Variants in MEIOSIN observed in about 807,000 individuals in gnomAD.
MEIOSIN encodes meiosis initiator protein.
MEIOSIN carries 18 observed loss-of-function variants against 23.4 expected under a neutral mutation model. That is an observed-to-expected ratio of 0.77 (90% CI 0.53 to 1.14). MEIOSIN has a LOEUF of 1.14. Ranked by LOEUF, MEIOSIN falls within the 50% of genes most tolerant of loss-of-function variation. The pLI is 0.00. For synonymous variants in MEIOSIN, 187 were observed against 100.6 expected (o/e 1.86, Z -5.14); for missense variants, 428 against 242.9 (o/e 1.76, Z -5.07).
intron 2 of MEIOSIN, among the ~76,000 whole-genome samples, chr19:45,735,739 C>T (rs1968398707): frequency 1.3e-5 from 2 of 152,014 alleles, no homozygotes; most frequent in Middle Eastern, 3.4e-3. Context: ...TGCAGTGTTG[C>T]GATCCCAGCT....
intron 10 of MEIOSIN, 99 bp downstream of exon 10, chr19:45,759,132 C>T (rs1968893217): frequency 1.5e-6 from 1 of 669,096 alleles, no homozygotes; most frequent in Non-Finnish European, 2.7e-6. Flanking sequence ...TGAATCCTGC[C>T]CTGGCCCTGC....
rs1460323564 is a variant in MEIOSIN at position 45,764,365 on chromosome 19, G to A, written c.*247G>A. The A allele has an allele frequency of 1.1e-5, 4 of 377,986 alleles. No individual in the cohort carries two copies. Among genetic ancestry groups the A allele is most frequent in the Admixed American group, 4.6e-5 (1 of 21,974 alleles). 23.4% of individuals were successfully genotyped at this position (377,986 alleles called of 1,614,324 possible). On this transcript the variant is annotated 3_prime_UTR_variant, in exon 15 of 15. Transcript: ENST00000457052. ...AGGAAGGAAACCCAAAATGAAATGC[G>A]GGGTGTCGGAAGGTGAAGTTTACCC...
At position 45,758,865 on chromosome 19, in the gene MEIOSIN, G is replaced by A. The variant is rs551586364; in HGVS notation, c.1013-13G>A. On this transcript the variant is annotated splice_polypyrimidine_tract_variant and intron_variant, in intron 9 of 14. Coordinates refer to ENST00000457052, the MANE Select transcript of MEIOSIN (RefSeq NM_001310124.2). The stretch of plus-strand genomic sequence containing the variant: ...CTCTGGCCACACCCCTGAGTCTGCT[G>A]TTCCCTTTCCAGGGAGCCCACTGTT... 6 of 702,878 alleles carry A rather than the reference G, an allele frequency of 8.5e-6. No individual in the cohort carries two copies. In the East Asian group the frequency reaches 1.3e-4, roughly 16 times the overall value. The allele number at this position is 702,878 out of a possible 1,614,324, so 43.5% of individuals were successfully genotyped here. A position where few individuals can be genotyped will look rare whatever the true frequency, so the allele number is the denominator to read the frequency against.
At chr19:45,760,497 T>C (rs527495024) in intron 11 of MEIOSIN, among the ~76,000 whole-genome samples, 1 of 152,052 alleles carries the variant, frequency 6.6e-6, no homozygotes, top group African/African-American at 2.4e-5. Context: ...TCCCAGCTAC[T>C]CAGGAGGCTG....
intron 7 of MEIOSIN, among the ~76,000 whole-genome samples, chr19:45,755,150 CTT>C (rs974858195): frequency 1.7e-4 from 23 of 137,760 alleles, no homozygotes; most frequent in East Asian, 2.1e-4. Context: ...TCAGCCTTTT[CTT>C]TTTTTTTTTT....
At chr19:45,745,538 TG>T (rs1968577679) in intron 4 of MEIOSIN, among the ~76,000 whole-genome samples, 1 of 152,174 alleles carries the variant, frequency 6.6e-6, no homozygotes, top group African/African-American at 2.4e-5. Context: ...GAAACCGGGC[TG>T]GGGAAATAGA....
At chr19:45,749,024 G>A (rs1204212398) in intron 4 of MEIOSIN, among the ~76,000 whole-genome samples, 4 of 149,884 alleles carry the variant, frequency 2.7e-5, no homozygotes, top group East Asian at 2.0e-4. Context: ...AGCTGAGATC[G>A]TACCACTGCA....
chr19:45,754,604 C>T lies in MEIOSIN; in HGVS notation c.682C>T (p.Pro228Ser). The T allele has an allele frequency of 1.4e-6, 1 of 703,066 alleles. No homozygotes were observed. The highest frequency in any genetic ancestry group is 2.0e-5 in the Admixed American group (1 of 50,018). 43.6% of individuals were successfully genotyped at this position (703,066 alleles called of 1,614,324 possible). A position where few individuals can be genotyped will look rare whatever the true frequency, so the allele number is the denominator to read the frequency against. ...TGGTTTPPRCPDSCGHPRPAS... is the reference protein window; with the variant it reads ...TGGTTTPPRCSDSCGHPRPAS... ...GGGGACCACTACCCCTCCAAGGTGC[C>T]CTGACTCCTGCGGTCACCCGAGGCC... The change falls in exon 7 of 15, where the codon CCT (proline) becomes TCT (serine). Residue 228 changes from proline (P) to serine (S), a missense_variant. Coordinates refer to ENST00000457052, the MANE Select transcript of MEIOSIN (RefSeq NM_001310124.2).
intron 3 of MEIOSIN, among the ~76,000 whole-genome samples, chr19:45,744,465 T>C (rs1009106394): frequency 6.6e-6 from 1 of 152,190 alleles, no homozygotes; most frequent in Non-Finnish European, 1.5e-5. Context: ...CAGCATCTTT[T>C]TTTTGTTTTG....
At chr19:45,734,970 T>C (rs2146170021) in intron 1 of MEIOSIN, among the ~76,000 whole-genome samples, 1 of 152,126 alleles carries the variant, frequency 6.6e-6, no homozygotes, top group African/African-American at 2.4e-5. Context: ...CCTGGCTCAG[T>C]GCAACCTCCG....
intron 5 of MEIOSIN, among the ~76,000 whole-genome samples, chr19:45,750,994 C>T (rs1276688239): frequency 2.6e-5 from 4 of 152,024 alleles, no homozygotes; most frequent in Non-Finnish European, 4.4e-5. Flanking sequence ...AGAAACAGGC[C>T]GGGCACAGTG....
intron 11 of MEIOSIN, among the ~76,000 whole-genome samples, chr19:45,760,533 G>A (rs1369750250): frequency 3.9e-5 from 6 of 152,142 alleles, no homozygotes; most frequent in Non-Finnish European, 7.3e-5. Flanking sequence ...TTAAACCTGG[G>A]AGGCGGGGGT....
intron 4 of MEIOSIN, among the ~76,000 whole-genome samples, chr19:45,747,412 G>A (rs1029056087): frequency 2.0e-5 from 3 of 152,090 alleles, no homozygotes; most frequent in Admixed American, 6.6e-5. Context: ...CCCCTGCCCC[G>A]TCTGATCATG....
At chr19:45,749,952 T>G (rs1357944548) in intron 4 of MEIOSIN, among the ~76,000 whole-genome samples, 1 of 145,300 alleles carries the variant, frequency 6.9e-6, no homozygotes, top group Non-Finnish European at 1.5e-5. Context: ...TGCAGTGAGC[T>G]GAGATCGTGC....
At chr19:45,746,226 C>A (rs529868146) in intron 4 of MEIOSIN, among the ~76,000 whole-genome samples, 58 of 152,216 alleles carry the variant, frequency 3.8e-4, no homozygotes, top group African/African-American at 1.4e-3. Flanking sequence ...CTTGGCCTCC[C>A]AAAGTTCGGG....
At chr19:45,745,467 C>G in intron 4 of MEIOSIN, 146 bp downstream of exon 4, 1 of 574,088 alleles carries the variant, frequency 1.7e-6, no homozygotes. Flanking sequence ...CGGGAATTTC[C>G]GGGAGTCTGT....
chr19:45,736,577 C>T (rs146229101), intron 2 of MEIOSIN, among the ~76,000 whole-genome samples: 5,113 of 151,634 alleles, frequency 0.034, 304 homozygotes, highest in African/African-American at 0.12. Context: ...CTGTGTTGGC[C>T]AGGCTGGTCT....
At chr19:45,735,921 C>T (rs1205149400) in intron 2 of MEIOSIN, among the ~76,000 whole-genome samples, 3 of 152,166 alleles carry the variant, frequency 2.0e-5, no homozygotes, top group Non-Finnish European at 2.9e-5. Flanking sequence ...AAGTGATCTG[C>T]CTGTCTCAGC....
intron 2 of MEIOSIN, among the ~76,000 whole-genome samples, chr19:45,736,383 C>CA (rs943046009): frequency 2.6e-5 from 4 of 151,880 alleles, no homozygotes; most frequent in Non-Finnish European, 2.9e-5. Flanking sequence ...TTTTTTAAGA[C>CA]AGAGTCTAAC....
Sources: allele counts gnomAD v4.1 joint callset (sites outside exome capture counted in the v4.1 genomes callset), GRCh38; gene constraint gnomAD v4.1.1; transcripts MANE v1.5; gene names NCBI Gene and HGNC (gene_info 2026-07-23, HGNC 2026-07-21).